Variants in CELF1 observed in about 807,000 individuals in gnomAD.
The protein encoded by CELF1 is 50 kDa nuclear polyadenylated RNA-binding protein.
Under a neutral mutation model 61.8 loss-of-function variants are expected in CELF1, and 10 were observed. That is an observed-to-expected ratio of 0.16 (90% confidence interval 0.10 to 0.27). CELF1 has a LOEUF of 0.27. CELF1 is among the 10% of genes least tolerant of loss of function. The pLI is 1.00. For missense variants in CELF1, 380 were observed against 639.1 expected (o/e 0.59, Z 4.37); for synonymous variants, 236 against 225.1 (o/e 1.05, Z -0.43).
chr11:47,493,559 G>A (rs570157874), intron 3 of CELF1, among the ~76,000 whole-genome samples: 154 of 150,510 alleles, frequency 1.0e-3, no homozygotes, highest in African/African-American at 3.6e-3. Context: ...CACAAGGTGT[G>A]GCCTAAGGAC....
intron 1 of CELF1, among the ~76,000 whole-genome samples, chr11:47,543,791 T>C (rs2096868029): frequency 6.6e-6 from 1 of 152,062 alleles, no homozygotes; most frequent in Non-Finnish European, 1.5e-5. Flanking sequence ...TTTCGGCAAA[T>C]AAGGACTCTT....
intron 5 of CELF1, 146 bp from the exon 6 acceptor site, chr11:47,486,944 T>C: frequency 1.3e-6 from 1 of 762,610 alleles, no homozygotes; most frequent in Non-Finnish European, 2.2e-6. Flanking sequence ...GAAAACAGAA[T>C]GTGAGTCAAG....
intron 9 of CELF1, among the ~76,000 whole-genome samples, chr11:47,479,652 G>C (rs1596247881): frequency 6.6e-6 from 1 of 152,200 alleles, no homozygotes; most frequent in East Asian, 1.9e-4. Context: ...AAGAGGGCCT[G>C]TCCCTGAGTT....
chr11:47,545,913 ATATTTT>A (rs1468576830), intron 1 of CELF1, among the ~76,000 whole-genome samples: 3 of 124,918 alleles, frequency 2.4e-5, no homozygotes, highest in African/African-American at 1.0e-4. Context: ...GTGTATATAT[ATATTTT>A]TTTTTTTTTG....
intron 1 of CELF1, among the ~76,000 whole-genome samples, chr11:47,509,303 G>A (rs1185746332): frequency 6.6e-6 from 1 of 152,116 alleles, no homozygotes; most frequent in Non-Finnish European, 1.5e-5. Flanking sequence ...GGAACTCCAC[G>A]GATGTCTGTT....
Position 47,472,151 on chromosome 11 carries a change from C to T in CELF1, c.*79G>A. On this transcript the variant is annotated 3_prime_UTR_variant, in exon 15 of 15. Transcript: ENST00000687097. ...GTCCAGGGCTGTCAACACACAGCCT[C>T]AGGGCTTCGAATCATTAAGGGTGCT... 6.4e-7 allele frequency: 1 copy of T among 1,556,158 alleles called. No individual in the cohort carries two copies. Among genetic ancestry groups the T allele is most frequent in the Non-Finnish European group, 8.8e-7 (1 of 1,137,424 alleles).
chr11:47,508,693 CACACAT>C (rs111794092), intron 1 of CELF1, among the ~76,000 whole-genome samples: 1,865 of 151,540 alleles, frequency 0.012, 29 homozygotes, highest in African/African-American at 0.036. Flanking sequence ...CACACACACA[CACACAT>C]AAATAAACAA....
At chr11:47,495,981 G>A (rs2093016284) in intron 3 of CELF1, 1 of 985,122 alleles carries the variant, frequency 1.0e-6, no homozygotes. Context: ...AATACTTGTT[G>A]CATTCCAAAC....
chr11:47,497,035 T>C (rs1347609480), intron 3 of CELF1, among the ~76,000 whole-genome samples: 4 of 152,126 alleles, frequency 2.6e-5, no homozygotes, highest in Non-Finnish European at 4.4e-5. Context: ...TACTGAGGAA[T>C]TTTGGGCCAG....
intron 3 of CELF1, among the ~76,000 whole-genome samples, chr11:47,490,879 T>G (rs1419824163): frequency 1.3e-5 from 2 of 151,374 alleles, no homozygotes; most frequent in African/African-American, 4.8e-5. Context: ...TTTTTTTTTT[T>G]GAAATGGAGT....
chr11:47,473,378 T>C (rs938559940), intron 13 of CELF1, 147 bp from the exon 14 acceptor site: 38 of 749,512 alleles, frequency 5.1e-5, no homozygotes, highest in South Asian at 1.4e-4. Context: ...ATTCTCTAAA[T>C]ACAAAGCAAG....
At chr11:47,565,009 G>C (rs1305454875) in intron 1 of CELF1, among the ~76,000 whole-genome samples, 1 of 152,034 alleles carries the variant, frequency 6.6e-6, no homozygotes, top group Non-Finnish European at 1.5e-5. Flanking sequence ...GGAGGAAGGC[G>C]ACCTCAACCC....
intron 2 of CELF1, among the ~76,000 whole-genome samples, chr11:47,561,979 C>G (rs1437493318): frequency 1.3e-5 from 2 of 151,458 alleles, no homozygotes; most frequent in Non-Finnish European, 2.9e-5. Flanking sequence ...GTAATCCCAG[C>G]ACTTTGGGAG....
chr11:47,473,040 G>C, intron 14 of CELF1, 48 bp downstream of exon 14: 1 of 1,584,168 alleles, frequency 6.3e-7, no homozygotes, highest in Non-Finnish European at 8.6e-7. Flanking sequence ...TTCTTTCTCA[G>C]TGGTAAAATA....
At chr11:47,505,232 G>C (rs551485613) in intron 1 of CELF1, among the ~76,000 whole-genome samples, 3 of 151,130 alleles carry the variant, frequency 2.0e-5, no homozygotes, top group East Asian at 3.9e-4. Context: ...TTCCAATCAA[G>C]TCATACTTTC....
rs943894166 is a variant in CELF1, at chr11:47,467,774, G to A, written c.*4456C>T. The stretch of plus-strand genomic sequence containing the variant: ...CTCCCGGAAGCCCCGGTAAGACCTG[G>A]AGGCCACACGAAGTGACAGTCTAAG... On this transcript the variant is annotated 3_prime_UTR_variant, in exon 15 of 15. Coordinates refer to ENST00000687097, the MANE Select transcript of CELF1 (RefSeq NM_001376376.1). 1.2e-4 allele frequency: 19 copies of A among 152,230 alleles called. No individual in the cohort carries two copies. The highest frequency in any genetic ancestry group is 4.3e-4 in the African/African-American group (18 of 41,440). The allele number at this position is 152,230 out of a possible 1,614,324, so 9.4% of individuals were successfully genotyped here. A position where few individuals can be genotyped will look rare whatever the true frequency, so the allele number is the denominator to read the frequency against.
At chr11:47,548,390 T>C (rs1288784203) in intron 1 of CELF1, among the ~76,000 whole-genome samples, 3 of 152,130 alleles carry the variant, frequency 2.0e-5, no homozygotes, top group Non-Finnish European at 2.9e-5. Flanking sequence ...GATATTGGAT[T>C]TGACAATGAT....
rs887645244 is a variant in CELF1, at chr11:47,470,243, G to A, written c.*1987C>T. The A allele has an allele frequency of 6.6e-6, 1 of 151,540 alleles. No individual in the cohort carries two copies. The highest frequency in any genetic ancestry group is 2.4e-5 in the African/African-American group (1 of 41,230). 9.4% of individuals were successfully genotyped at this position (151,540 alleles called of 1,614,324 possible). A position where few individuals can be genotyped will look rare whatever the true frequency, so the allele number is the denominator to read the frequency against. The stretch of plus-strand genomic sequence containing the variant: ...AGAAACGACATTCTTGGTTCCAGCC[G>A]GTTGGGATTCAGAACAGCGCCTCCC... On this transcript the variant is annotated 3_prime_UTR_variant, in exon 15 of 15. Transcript: ENST00000687097.
At chr11:47,557,190 T>C (rs1202414254), upstream of CELF1, among the ~76,000 whole-genome samples, 9 of 151,276 alleles carry the variant, frequency 5.9e-5, no homozygotes, top group Non-Finnish European at 5.9e-5. Context: ...GCCCGGCCTA[T>C]TTACTTTTCT....
Sources: gnomAD v4.1 joint callset for allele counts (sites outside exome capture counted in the v4.1 genomes callset) on GRCh38, gnomAD v4.1.1 for gene constraint, MANE v1.5 for transcripts, NCBI Gene and HGNC (gene_info 2026-07-23, HGNC 2026-07-21) for gene names.